The following LRRC4C variants were observed in gnomAD, a reference collection of about 807,000 sequenced individuals.
The protein encoded by LRRC4C is leucine-rich repeat-containing protein 4C.
A neutral mutation model predicts 33.6 loss-of-function variants in LRRC4C; 5 were observed. The observed-to-expected ratio is 0.15, with a 90% CI of 0.08 to 0.31. The LOEUF (loss-of-function observed/expected upper bound fraction) is 0.31, where lower values mean the gene tolerates loss of function less well. Among genes scored for constraint, LRRC4C ranks in the 10% least tolerant of loss-of-function variants. LRRC4C has a pLI of 1.00. For synonymous variants in LRRC4C, 329 were observed against 302.0 expected (o/e 1.09, Z -0.93); for missense variants, 560 against 796.7 (o/e 0.70, Z 3.58).
At chr11:41,308,866 G>A (rs1490092656) in intron 1 of LRRC4C, among the ~76,000 whole-genome samples, 2 of 151,390 alleles carry the variant, frequency 1.3e-5, no homozygotes, top group Admixed American at 6.6e-5. Context: ...GTGCAGTGGC[G>A]CAATCTTAGC....
At chr11:40,247,493 G>A (rs1021607819) in intron 4 of LRRC4C, among the ~76,000 whole-genome samples, 1 of 152,068 alleles carries the variant, frequency 6.6e-6, no homozygotes, top group South Asian at 2.1e-4. Flanking sequence ...ATCCTATGAC[G>A]AGATAACATT....
intron 3 of LRRC4C, among the ~76,000 whole-genome samples, chr11:40,456,720 A>ACC: frequency 6.6e-6 from 1 of 152,172 alleles, no homozygotes; most frequent in African/African-American, 2.4e-5. Flanking sequence ...GCTTATGTTA[A>ACC]AGAAAGCTTG....
At chr11:41,011,151 C>G (rs561289700) in intron 1 of LRRC4C, among the ~76,000 whole-genome samples, 1 of 152,128 alleles carries the variant, frequency 6.6e-6, no homozygotes, top group Non-Finnish European at 1.5e-5. Flanking sequence ...GAATTGTAAA[C>G]TATATAACAT....
At chr11:40,460,478 T>A (rs1163170048) in intron 3 of LRRC4C, among the ~76,000 whole-genome samples, 5 of 152,070 alleles carry the variant, frequency 3.3e-5, no homozygotes. Context: ...ACAAAATATA[T>A]CTGGATTGAC....
In LRRC4C at chr11:40,611,495, CAAAAGCAAAACTAGA is replaced by C. The variant is rs1442817987; in HGVS notation, c.-270+36632_-270+36646del. On this transcript the variant is annotated intron_variant, in intron 3 of 6. Transcript: ENST00000528697. ...GATACAACACCAAAAGCAAAGACATCAAAAGCAAAACTAGAAAAATGAGACTATATCAAACTAATC... is the reference window on the plus strand; with the variant it reads ...GATACAACACCAAAAGCAAAGACATCAAAATGAGACTATATCAAACTAATC... Among the ~76,000 whole-genome samples the C allele has an allele frequency of 3.9e-5, 6 of 151,958 alleles. No homozygotes were observed. In the East Asian group the frequency reaches 1.2e-3, roughly 29 times the overall value.
intron 5 of LRRC4C, among the ~76,000 whole-genome samples, chr11:40,223,673 A>G (rs184684301): frequency 6.6e-6 from 1 of 152,318 alleles, no homozygotes; most frequent in Admixed American, 6.5e-5. Context: ...TAGTGCACAC[A>G]CTATTTTAAA....
At chr11:40,527,357 A>G (rs778952009) in intron 3 of LRRC4C, among the ~76,000 whole-genome samples, 2 of 152,206 alleles carry the variant, frequency 1.3e-5, no homozygotes, top group Non-Finnish European at 2.9e-5. Flanking sequence ...GGTGATAAAA[A>G]TGATGATTTA....
intron 4 of LRRC4C, among the ~76,000 whole-genome samples, chr11:40,275,391 G>T (rs796698109): frequency 2.6e-5 from 4 of 152,188 alleles, no homozygotes; most frequent in African/African-American, 9.6e-5. Flanking sequence ...GAAACATCTT[G>T]CACACATGAG....
intron 3 of LRRC4C, among the ~76,000 whole-genome samples, chr11:40,489,700 C>T (rs1394165865): frequency 6.6e-6 from 1 of 152,094 alleles, no homozygotes; most frequent in Admixed American, 6.6e-5. Flanking sequence ...GCAACATGTG[C>T]TTTTTCTACC....
chr11:40,791,027 G>C (rs1256680357), intron 2 of LRRC4C, among the ~76,000 whole-genome samples: 1 of 152,110 alleles, frequency 6.6e-6, no homozygotes, highest in South Asian at 2.1e-4. Flanking sequence ...AATATGAGCT[G>C]CATTTTGTCA....
intron 2 of LRRC4C, among the ~76,000 whole-genome samples, chr11:40,813,325 AAAG>A (rs1951571257): frequency 6.6e-6 from 1 of 152,174 alleles, no homozygotes; most frequent in African/African-American, 2.4e-5. Flanking sequence ...GGCGGAAGGC[AAAG>A]GAGGAGCAAA....
intron 1 of LRRC4C, among the ~76,000 whole-genome samples, chr11:41,036,711 T>A (rs149323880): frequency 1.3e-5 from 2 of 152,334 alleles, no homozygotes; most frequent in East Asian, 3.9e-4. Flanking sequence ...TCAAAGATTT[T>A]ATTTAATTCA....
intron 3 of LRRC4C, among the ~76,000 whole-genome samples, chr11:40,518,919 A>C (rs1408315358): frequency 6.6e-6 from 1 of 152,240 alleles, no homozygotes; most frequent in Admixed American, 6.5e-5. Flanking sequence ...CAGCCACAAA[A>C]AAGGATGAGG....
At chr11:40,760,829 TTA>T (rs1397764107) in intron 2 of LRRC4C, among the ~76,000 whole-genome samples, 1 of 144,940 alleles carries the variant, frequency 6.9e-6, no homozygotes, top group Non-Finnish European at 1.5e-5. Context: ...ACACATATAT[TTA>T]TATATATATA....
chr11:41,443,377 T>C (rs1955716336), intron 1 of LRRC4C, among the ~76,000 whole-genome samples: 1 of 151,950 alleles, frequency 6.6e-6, no homozygotes, highest in Non-Finnish European at 1.5e-5. Flanking sequence ...GGCCTGGTGG[T>C]GCATGCCTGT....
intron 1 of LRRC4C, among the ~76,000 whole-genome samples, chr11:40,992,777 A>G (rs1006230903): frequency 6.6e-6 from 1 of 152,198 alleles, no homozygotes; most frequent in Non-Finnish European, 1.5e-5. Context: ...ACTGTTTAGT[A>G]TTCTCATTTA....
intron 1 of LRRC4C, among the ~76,000 whole-genome samples, chr11:41,448,053 C>A (rs768610340): frequency 7.0e-5 from 10 of 143,352 alleles, no homozygotes; most frequent in Admixed American, 1.5e-4. Flanking sequence ...GTCTCCAACT[C>A]ATTAGTGTAA....
At chr11:41,452,428 G>C (rs1277181022) in intron 1 of LRRC4C, among the ~76,000 whole-genome samples, 1 of 152,062 alleles carries the variant, frequency 6.6e-6, no homozygotes, top group Non-Finnish European at 1.5e-5. Context: ...ATGTAAAAAA[G>C]CTAGAGGATT....
intron 2 of LRRC4C, among the ~76,000 whole-genome samples, chr11:40,792,204 T>C (rs1174613661): frequency 6.6e-6 from 1 of 152,116 alleles, no homozygotes; most frequent in African/African-American, 2.4e-5. Flanking sequence ...GTTTCATTAT[T>C]TTTGTCCTTT....
Sources: allele counts gnomAD v4.1 joint callset (sites outside exome capture counted in the v4.1 genomes callset), GRCh38; gene constraint gnomAD v4.1.1; transcripts MANE v1.5; gene names NCBI Gene and HGNC (gene_info 2026-07-23, HGNC 2026-07-21).